TYW3: variants seen among roughly 807,000 people sequenced by gnomAD.
The protein encoded by TYW3 is tRNA-yW synthesizing protein 3 homolog.
In TYW3, 26 loss-of-function variants were observed where a neutral mutation model predicts 23.1. That is an observed-to-expected ratio of 1.13 (90% CI 0.83 to 1.56). TYW3 has a LOEUF of 1.56. TYW3 is among the 40% of genes most tolerant of loss of function. The pLI is 0.00. For missense variants in TYW3, 316 were observed against 311.9 expected, an observed-to-expected ratio of 1.01 and a Z score of -0.10; for synonymous variants, 102 against 105.7, an observed-to-expected ratio of 0.97 and a Z score of 0.21.
In TYW3 at chr1:74,733,358, C is replaced by T; in HGVS notation, c.114C>T (p.Asn38=). 6.2e-7 allele frequency: 1 copy of T among 1,614,212 alleles called. No individual in the cohort carries two copies. The highest frequency in any genetic ancestry group is 8.5e-7 in the Non-Finnish European group (1 of 1,180,016). ...TGGTAGAGCTTGTGCAGTTTCTGAA[C>T]ATGCGAGATCAGTTTTTCACCACCA... ...EDVVELVQFL[N]MRDQFFTTSS... is the part of the protein sequence containing the mutation. The change falls in exon 1 of 6, where the codon AAC becomes AAT. Residue 38 remains asparagine, a synonymous_variant. Coordinates refer to ENST00000370867, the MANE Select transcript of TYW3 (RefSeq NM_138467.3).
At chr1:74,738,290 G>A (rs72677710) in intron 2 of TYW3, among the ~76,000 whole-genome samples, 6,777 of 152,160 alleles carry the variant, frequency 0.045, 179 homozygotes, top group Non-Finnish European at 0.058. Flanking sequence ...AACATGGGTG[G>A]CAGTTAGGCT....
chr1:74,752,411 G>A lies in TYW3; in HGVS notation c.546G>A (p.Lys182=). The A allele has an allele frequency of 6.2e-7, 1 of 1,613,222 alleles. No individual in the cohort carries two copies. The highest frequency in any genetic ancestry group is 8.5e-7 in the Non-Finnish European group (1 of 1,179,614). ...CAAATCAAAAAATGGAGGAAAACAAGAAAAGAATTGAGAGGTATATTAATT... is the reference window on the plus strand; with the variant it reads ...CAAATCAAAAAATGGAGGAAAACAAAAAAAGAATTGAGAGGTATATTAATT... ...NVANQKMEEN[K]KRIERFYNCL... Residue 182 remains lysine (K), a synonymous_variant, in exon 5 of 6, where the codon AAG becomes AAA. Transcript: ENST00000370867.
intron 5 of TYW3, among the ~76,000 whole-genome samples, chr1:74,763,467 A>G (rs1039928086): frequency 2.0e-5 from 3 of 152,164 alleles, no homozygotes; most frequent in African/African-American, 7.2e-5. Context: ...ATTAATTAAT[A>G]AATACATTAA....
intron 3 of TYW3, among the ~76,000 whole-genome samples, chr1:74,740,628 T>C (rs183978764): frequency 1.3e-5 from 2 of 152,222 alleles, no homozygotes; most frequent in Non-Finnish European, 2.9e-5. Flanking sequence ...TTTTACAGAG[T>C]GCTGATTGGT....
At chr1:74,752,194 A>G in intron 4 of TYW3, 98 bp from the exon 5 acceptor site, 1 of 1,259,666 alleles carries the variant, frequency 7.9e-7, no homozygotes, top group Non-Finnish European at 1.1e-6. Flanking sequence ...AATGGAACTA[A>G]AGTATGTTCA....
chr1:74,738,866 A>G, intron 3 of TYW3, 78 bp downstream of exon 3: 5 of 988,806 alleles, frequency 5.1e-6, no homozygotes, highest in Non-Finnish European at 7.6e-6. Context: ...CCTGCTATAA[A>G]TATCAATGAG....
At chr1:74,738,629 TAAAGGGTCGCC>T in intron 2 of TYW3, 50 bp from the exon 3 acceptor site, 1 of 1,197,492 alleles carries the variant, frequency 8.4e-7, no homozygotes, top group Non-Finnish European at 1.2e-6. Context: ...ATGTATGGGG[TAAAGGGTCGCC>T]AAAGGACAGG....
intron 1 of TYW3, 139 bp from the exon 2 acceptor site, chr1:74,736,403 T>G: frequency 1.8e-6 from 1 of 544,762 alleles, no homozygotes; most frequent in Non-Finnish European, 2.9e-6. Flanking sequence ...CCCAAAAACA[T>G]ACCGAATTGT....
Position 74,736,553 on chromosome 1 carries a change from T to C in TYW3, c.186T>C (p.Gly62=). The part of the protein sequence containing the change: ...RILLLDRGIN[G]FEVQKQNCCW... Reference sequence around the variant, plus strand: ...ATTTTTTATTTTAGGGTATAAATGGTTTTGAGGTTCAGAAACAAAACTGTT... The same window carrying C: ...ATTTTTTATTTTAGGGTATAAATGGCTTTGAGGTTCAGAAACAAAACTGTT... The change falls in exon 2 of 6, where the codon GGT becomes GGC. Residue 62 remains glycine (G), a synonymous_variant. Coordinates refer to ENST00000370867, the MANE Select transcript of TYW3 (RefSeq NM_138467.3). 2 of 1,599,262 alleles carry C rather than the reference T, an allele frequency of 1.3e-6. No individual in the cohort carries two copies. Among genetic ancestry groups the C allele is most frequent in the East Asian group, 2.3e-5 (1 of 44,402 alleles).
In TYW3 at chr1:74,733,181, C is replaced by A; in HGVS notation, c.-64C>A. ...TCGGCCACCGCTCGCTTCAATATGG[C>A]TGCCCCCAGGGAGAGACGAGGCTAC... On this transcript the variant is annotated 5_prime_UTR_variant, in exon 1 of 6. The change creates a new upstream start codon in the 5' untranslated region. Coordinates refer to ENST00000370867, the MANE Select transcript of TYW3 (RefSeq NM_138467.3). 15 of 1,558,414 alleles carry A rather than the reference C, an allele frequency of 9.6e-6. No homozygotes were observed. Among genetic ancestry groups the A allele is most frequent in the East Asian group, 9.3e-5 (4 of 42,966 alleles).
rs138665002 is a variant in TYW3 at position 74,762,100 on chromosome 1, G to A, written c.561-1794G>A. On this transcript the variant is annotated intron_variant, in intron 5 of 5. Transcript: ENST00000370867. The stretch of plus-strand genomic sequence containing the variant: ...ATTCATTGATAAAAATATTTATTGA[G>A]CATCTGTTGTTTGCCAAGCACAGCA... Among the ~76,000 whole-genome samples, 4 of 152,148 alleles carry A rather than the reference G, an allele frequency of 2.6e-5. No individual in the cohort carries two copies. In the East Asian group the frequency reaches 7.7e-4, roughly 29 times the overall value.
At position 74,752,458 on chromosome 1, in the gene TYW3, A is replaced by G. The variant is rs376205158; in HGVS notation, c.560+33A>G. On this transcript the variant is annotated intron_variant, in intron 5 of 5. Coordinates refer to ENST00000370867, the MANE Select transcript of TYW3 (RefSeq NM_138467.3). ...AATTGGGTATTTCCATGTTATTCTT[A>G]TATGCCTAGATCATCCTTGAAAACA... is the stretch of plus-strand genomic sequence containing the variant. 1,275 of 1,593,956 alleles carry G rather than the reference A, an allele frequency of 8.0e-4. 2 individuals are homozygous for G. Among genetic ancestry groups the G allele is most frequent in the Non-Finnish European group, 1.0e-3 (1,200 of 1,165,734 alleles).
At chr1:74,748,018 G>A (rs116754006) in intron 3 of TYW3, among the ~76,000 whole-genome samples, 1,670 of 152,208 alleles carry the variant, frequency 0.011, 30 homozygotes, top group African/African-American at 0.038. Flanking sequence ...TGGCACAGCT[G>A]GCATTTCAGG....
intron 3 of TYW3, among the ~76,000 whole-genome samples, chr1:74,747,868 TACAC>T (rs1557746515): frequency 8.3e-6 from 1 of 119,918 alleles, no homozygotes; most frequent in Non-Finnish European, 2.2e-5. Context: ...TATGTATACA[TACAC>T]ATACACACAC....
chr1:74,736,847 C>G (rs1188386002), intron 2 of TYW3, among the ~76,000 whole-genome samples: 1 of 152,202 alleles, frequency 6.6e-6, no homozygotes, highest in Admixed American at 6.5e-5. Context: ...CTCTTGGACA[C>G]AGCAGAAAGT....
chr1:74,756,521 G>C (rs956846316), intron 5 of TYW3, among the ~76,000 whole-genome samples: 1 of 152,172 alleles, frequency 6.6e-6, no homozygotes, highest in African/African-American at 2.4e-5. Context: ...CTTTGATGTT[G>C]AGAGAGATGA....
chr1:74,741,413 G>C (rs1025965853), intron 3 of TYW3, among the ~76,000 whole-genome samples: 1 of 151,990 alleles, frequency 6.6e-6, no homozygotes, highest in Non-Finnish European at 1.5e-5. Flanking sequence ...AGGTTCCTCC[G>C]GGGGTGTCCA....
chr1:74,748,505 T>G, intron 3 of TYW3: 1 of 430,648 alleles, frequency 2.3e-6, no homozygotes, highest in Non-Finnish European at 4.1e-6. Flanking sequence ...ATGTCACTGT[T>G]TGTGATTGAA....
At chr1:74,745,499 C>T (rs891157367) in intron 3 of TYW3, among the ~76,000 whole-genome samples, 3 of 152,076 alleles carry the variant, frequency 2.0e-5, no homozygotes, top group African/African-American at 7.2e-5. Flanking sequence ...CTGATTGGTG[C>T]GTTTACAATC....
Sources: allele counts gnomAD v4.1 joint callset (sites outside exome capture counted in the v4.1 genomes callset), GRCh38; gene constraint gnomAD v4.1.1; transcripts MANE v1.5; gene names NCBI Gene and HGNC (gene_info 2026-07-23, HGNC 2026-07-21).